The following TMEM132C variants were observed in gnomAD, a reference collection of about 807,000 sequenced individuals.
TMEM132C encodes the protein transmembrane protein 132C.
In TMEM132C, 29 loss-of-function variants were observed where a neutral mutation model predicts 61.4. The ratio of observed to expected loss-of-function variants is 0.47; its 90% CI spans 0.35 to 0.64. The LOEUF (loss-of-function observed/expected upper bound fraction) is 0.64. Ranked by LOEUF, TMEM132C falls within the 30% of genes least tolerant of loss-of-function variation. TMEM132C has a pLI of 0.00. For missense variants in TMEM132C, 1,408 were observed against 1,476.9 expected, an observed-to-expected ratio of 0.95 and a Z score of 0.76; for synonymous variants, 656 against 633.1, an observed-to-expected ratio of 1.04 and a Z score of -0.54.
intron 4 of TMEM132C, among the ~76,000 whole-genome samples, chr12:128,660,178 G>A (rs567055469): frequency 1.3e-3 from 195 of 152,278 alleles, no homozygotes; most frequent in Non-Finnish European, 2.5e-3. Flanking sequence ...GAGAGAGGTG[G>A]CAGGTGTGGT....
intron 2 of TMEM132C, among the ~76,000 whole-genome samples, chr12:128,534,285 G>A (rs985794741): frequency 1.3e-5 from 2 of 152,180 alleles, no homozygotes; most frequent in Non-Finnish European, 2.9e-5. Flanking sequence ...GATGGCGTGA[G>A]CCCCGTTCAG....
intron 2 of TMEM132C, among the ~76,000 whole-genome samples, chr12:128,522,677 T>C (rs1436637692): frequency 6.6e-6 from 1 of 152,172 alleles, no homozygotes; most frequent in East Asian, 1.9e-4. Flanking sequence ...AAATATTGAA[T>C]GAGGTTTGAT....
chr12:128,520,704 G>A (rs143250530), intron 2 of TMEM132C, among the ~76,000 whole-genome samples: 78 of 152,296 alleles, frequency 5.1e-4, no homozygotes, highest in Non-Finnish European at 6.5e-4. Flanking sequence ...TAAAGCAAGA[G>A]GAGAGAAACA....
intron 4 of TMEM132C, among the ~76,000 whole-genome samples, chr12:128,628,818 C>A (rs1405976076): frequency 6.6e-6 from 1 of 152,224 alleles, no homozygotes; most frequent in African/African-American, 2.4e-5. Context: ...CCGTGAATAC[C>A]TGTTGCCTAA....
chr12:128,489,854 C>G (rs1220486656), intron 2 of TMEM132C, among the ~76,000 whole-genome samples: 1 of 152,122 alleles, frequency 6.6e-6, no homozygotes, highest in Non-Finnish European at 1.5e-5. Context: ...AGGACAGTAG[C>G]TGGCATTTTT....
At chr12:128,546,600 A>T (rs1217057322) in intron 3 of TMEM132C, among the ~76,000 whole-genome samples, 1 of 152,148 alleles carries the variant, frequency 6.6e-6, no homozygotes, top group Non-Finnish European at 1.5e-5. Context: ...TGTGGACAAG[A>T]GGAAGATCTG....
intron 3 of TMEM132C, among the ~76,000 whole-genome samples, chr12:128,572,538 C>G (rs907849343): frequency 2.0e-5 from 3 of 152,028 alleles, no homozygotes. Context: ...TTGGCCGGGC[C>G]TGGGTCACAT....
intron 3 of TMEM132C, among the ~76,000 whole-genome samples, chr12:128,594,979 C>T (rs191294902): frequency 1.3e-4 from 20 of 152,304 alleles, no homozygotes; most frequent in Middle Eastern, 3.4e-3. Flanking sequence ...CTGAAGGGAA[C>T]GAGCTTCGGT....
At chr12:128,667,209 A>G (rs995991537) in intron 4 of TMEM132C, among the ~76,000 whole-genome samples, 7 of 146,538 alleles carry the variant, frequency 4.8e-5, no homozygotes, top group African/African-American at 1.9e-4. Context: ...GTGTGTGAAC[A>G]TGTGTGTGTG....
At chr12:128,405,508 T>A (rs1430634135) in intron 1 of TMEM132C, among the ~76,000 whole-genome samples, 1 of 152,080 alleles carries the variant, frequency 6.6e-6, no homozygotes, top group African/African-American at 2.4e-5. Context: ...TTATTCTGAG[T>A]CTATCTAAGA....
intron 4 of TMEM132C, among the ~76,000 whole-genome samples, chr12:128,619,902 A>G (rs982267302): frequency 3.9e-5 from 6 of 152,206 alleles, no homozygotes; most frequent in African/African-American, 1.4e-4. Flanking sequence ...TAGTTTCTGT[A>G]TGCGAGTGGC....
intron 3 of TMEM132C, among the ~76,000 whole-genome samples, chr12:128,573,094 A>G (rs1259629243): frequency 1.3e-5 from 2 of 152,226 alleles, no homozygotes; most frequent in Non-Finnish European, 2.9e-5. Context: ...CAGCCATCCC[A>G]TTACTGGGTA....
chr12:128,435,962 T>C (rs1235086604), intron 2 of TMEM132C, among the ~76,000 whole-genome samples: 1 of 152,056 alleles, frequency 6.6e-6, no homozygotes, highest in African/African-American at 2.4e-5. Context: ...TATAGACCAA[T>C]GGAACAGAAC....
intron 1 of TMEM132C, among the ~76,000 whole-genome samples, chr12:128,332,784 G>A (rs1235373294): frequency 2.0e-5 from 3 of 152,212 alleles, no homozygotes; most frequent in African/African-American, 7.2e-5. Flanking sequence ...CCTCTAGAAA[G>A]GGAATCGGCA....
chr12:128,446,378 CA>C lies in TMEM132C; in HGVS notation c.974+30759del, dbSNP rs764518467. Among the ~76,000 whole-genome samples, 11 of 152,218 alleles carry C rather than the reference CA, an allele frequency of 7.2e-5. No individual in the cohort carries two copies. The South Asian group carries it at 1.4e-3, about 20-fold the overall frequency. On this transcript the variant is annotated intron_variant, in intron 2 of 8. Coordinates refer to ENST00000435159, the MANE Select transcript of TMEM132C (RefSeq NM_001136103.3). ...CCACAGACAACTGCTAGGGCTCAGA[CA>C]GAATGTAGGATGTCCCTGAGCCCAC...
chr12:128,476,244 C>T (rs200178168), intron 2 of TMEM132C, among the ~76,000 whole-genome samples: 2 of 144,520 alleles, frequency 1.4e-5, no homozygotes, highest in East Asian at 2.0e-4. Context: ...CCTGTGTCCA[C>T]AAGATAGGGA....
chr12:128,425,939 C>T (rs1323132538), intron 2 of TMEM132C, among the ~76,000 whole-genome samples: 2 of 152,150 alleles, frequency 1.3e-5, no homozygotes, highest in African/African-American at 2.4e-5. Context: ...AATCAGGTTG[C>T]GTTCTGAAGT....
chr12:128,558,626 A>G (rs1874408866), intron 3 of TMEM132C, among the ~76,000 whole-genome samples: 1 of 152,264 alleles, frequency 6.6e-6, no homozygotes, highest in Admixed American at 6.5e-5. Flanking sequence ...GCACATGCCA[A>G]CCACTGAGCT....
At chr12:128,392,709 C>T (rs547537498) in intron 1 of TMEM132C, among the ~76,000 whole-genome samples, 2 of 151,948 alleles carry the variant, frequency 1.3e-5, no homozygotes, top group South Asian at 4.2e-4. Context: ...TTTTGGCTTC[C>T]CTGGGCCACA....
Sources: allele counts gnomAD v4.1 joint callset (sites outside exome capture counted in the v4.1 genomes callset), GRCh38; gene constraint gnomAD v4.1.1; transcripts MANE v1.5; gene names NCBI Gene and HGNC (gene_info 2026-07-23, HGNC 2026-07-21).